The following DDHD2 variants were observed in gnomAD, a reference collection of about 807,000 sequenced individuals.
DDHD2 encodes DDHD domain containing 2, also known as triacylglycerol hydrolase DDHD2.
A neutral mutation model predicts 91.2 loss-of-function variants in DDHD2; 62 were observed. That is an observed-to-expected ratio of 0.68 (90% CI 0.55 to 0.84). The LOEUF (loss-of-function observed/expected upper bound fraction) is 0.84. DDHD2 is among the 40% of genes least tolerant of loss of function. DDHD2 has a pLI of 0.00. For missense variants in DDHD2, 740 were observed against 846.9 expected, an observed-to-expected ratio of 0.87 and a Z score of 1.57; for synonymous variants, 271 against 293.9, an observed-to-expected ratio of 0.92 and a Z score of 0.80.
intron 1 of DDHD2, chr8:38,268,028 G>T (rs1807947485): frequency 6.2e-7 from 1 of 1,610,152 alleles, no homozygotes; most frequent in Non-Finnish European, 8.5e-7. Flanking sequence ...GCCTCGTTAT[G>T]AGAGCAGCCG....
At position 38,245,674 on chromosome 8, in the gene DDHD2, G is replaced by T. The variant is rs1805580249; in HGVS notation, c.849-68G>T. 5.8e-6 allele frequency: 8 copies of T among 1,374,158 alleles called. No individual in the cohort carries two copies. The East Asian group carries it at 1.6e-4, about 28-fold the overall frequency. 85.1% of individuals were successfully genotyped at this position (1,374,158 alleles called of 1,614,324 possible). ...TGTTATAAAATGTTTAAGCTTGAAG[G>T]CTTAAAATTGGAAGCAGCTATTAAG... On this transcript the variant is annotated intron_variant, in intron 7 of 17. Transcript: ENST00000397166.
In DDHD2 at chr8:38,253,612, G is replaced by T. The variant is rs1291073361; in HGVS notation, c.1948G>T (p.Val650Leu). ...AVKEEVLPIN[V>L]GMLNGGQRID... ...TAAAGAAGAAGTCCTGCCTATCAAT[G>T]TGGGGATGCTGAATGGAGGCCAACG... Residue 650 changes from valine to leucine, a missense_variant, in exon 16 of 18, where the codon GTG becomes TTG. This residue lies in a region of DDHD2 where 47 missense variants were observed against 82.6 expected (regional missense o/e 0.57). Transcript: ENST00000397166. 6.2e-7 allele frequency: 1 copy of T among 1,614,168 alleles called. No individual in the cohort carries two copies. Among genetic ancestry groups the T allele is most frequent in the East Asian group, 2.2e-5 (1 of 44,888 alleles).
Position 38,234,406 on chromosome 8 carries a change from A to G in DDHD2, c.233A>G (p.Asn78Ser), listed in dbSNP as rs1804537709. Residue 78 changes from asparagine to serine, a missense_variant, in exon 3 of 18, where the codon AAT becomes AGT. This residue lies in a region of DDHD2 where 693 missense variants were observed against 764.2 expected (regional missense o/e 0.91). Coordinates refer to ENST00000397166, the MANE Select transcript of DDHD2 (RefSeq NM_015214.3). Reference sequence around the variant, plus strand: ...CAATCCTTGAAAGGAAAAGGTTGTAATGGGAGAGTTGTTCCTACTGATGGG... The same window carrying G: ...CAATCCTTGAAAGGAAAAGGTTGTAGTGGGAGAGTTGTTCCTACTGATGGG... ...EEAYSSGKGC[N>S]GRVVPTDGGR... The G allele has an allele frequency of 6.3e-7, 1 of 1,582,760 alleles. No individual in the cohort carries two copies. The highest frequency in any genetic ancestry group is 1.2e-5 in the South Asian group (1 of 84,924).
chr8:38,259,936 A>G (rs895113295), intron 16 of DDHD2, 104 bp from the exon 17 acceptor site: 60 of 755,006 alleles, frequency 7.9e-5, no homozygotes, highest in Middle Eastern at 2.4e-4. Context: ...AGAAGTAAAA[A>G]ATAAACTTGC....
chr8:38,240,383 T>A lies in DDHD2; in HGVS notation c.712+19T>A. 1.3e-6 allele frequency: 2 copies of A among 1,543,640 alleles called. No individual in the cohort carries two copies. The highest frequency in any genetic ancestry group is 2.3e-5 in the South Asian group (2 of 86,834). ...CAGTGTGGTAGGTTTGCAAAGCATG[T>A]GAGAGAATATTAATCAGTGCTCTTG... On this transcript the variant is annotated intron_variant, in intron 6 of 17. Transcript: ENST00000397166.
intron 7 of DDHD2, among the ~76,000 whole-genome samples, chr8:38,243,887 C>T (rs1342794078): frequency 6.6e-6 from 1 of 151,666 alleles, no homozygotes; most frequent in Non-Finnish European, 1.5e-5. Flanking sequence ...TCACCGCAAC[C>T]TCCGACTCCC....
chr8:38,264,196 GGAGT>G, downstream of DDHD2: 1 of 980,032 alleles, frequency 1.0e-6, no homozygotes, highest in East Asian at 5.9e-5. Flanking sequence ...TGCCTAGGCT[GGAGT>G]GCAGTGGTGC....
intron 1 of DDHD2, chr8:38,268,764 C>A: frequency 7.0e-7 from 1 of 1,437,648 alleles, no homozygotes; most frequent in Non-Finnish European, 9.1e-7. Context: ...GAACCCAGCG[C>A]ACAGCAGCGG....
chr8:38,232,946 C>A, intron 1 of DDHD2, 41 bp from the exon 2 acceptor site: 1 of 1,484,532 alleles, frequency 6.7e-7, no homozygotes, highest in Non-Finnish European at 9.3e-7. Context: ...AACAGTTACA[C>A]AGTTAAGTTC....
chr8:38,240,385 A>T (rs938806750), intron 6 of DDHD2, 21 bp downstream of exon 6: 2 of 1,536,962 alleles, frequency 1.3e-6, no homozygotes, highest in African/African-American at 2.7e-5. Flanking sequence ...AAAGCATGTG[A>T]GAGAATATTA....
At chr8:38,265,527 G>A (rs1036615870), downstream of DDHD2, 3 of 152,084 alleles carry the variant, frequency 2.0e-5, no homozygotes, top group Admixed American at 2.0e-4. Context: ...CTGACCTCAG[G>A]TGATCCACCT....
At position 38,247,851 on chromosome 8, in the gene DDHD2, T is replaced by G. The variant is rs766206670; in HGVS notation, c.1248+16T>G. On this transcript the variant is annotated intron_variant, in intron 10 of 17. Coordinates refer to ENST00000397166, the MANE Select transcript of DDHD2 (RefSeq NM_015214.3). Reference sequence around the variant, plus strand: ...GGAAGCTCTGGTAAAAATAATCTTTTAAAACTTTATGCCAAGCCATTTTCA... The same window carrying G: ...GGAAGCTCTGGTAAAAATAATCTTTGAAAACTTTATGCCAAGCCATTTTCA... 7 of 1,546,700 alleles carry G rather than the reference T, an allele frequency of 4.5e-6. No homozygotes were observed. The highest frequency in any genetic ancestry group is 6.1e-6 in the Non-Finnish European group (7 of 1,152,058).
chr8:38,242,426 A>G lies in DDHD2; in HGVS notation c.848+41A>G, dbSNP rs368559579. ...TACCTTCGAGTTGTTAGCTGTGATT[A>G]TATTTTCTGATCATTGCTATGCTTG... On this transcript the variant is annotated intron_variant, in intron 7 of 17. Coordinates refer to ENST00000397166, the MANE Select transcript of DDHD2 (RefSeq NM_015214.3). The G allele has an allele frequency of 1.2e-5, 19 of 1,590,306 alleles. No individual in the cohort carries two copies. In the African/African-American group the frequency reaches 1.2e-4, roughly 10 times the overall value.
At chr8:38,268,998 G>A in intron 1 of DDHD2, 3 of 1,575,204 alleles carry the variant, frequency 1.9e-6, no homozygotes, top group Non-Finnish European at 2.6e-6. Flanking sequence ...ACCCTAGAGG[G>A]GAACAAAGAA....
At chr8:38,255,295 A>G (rs775460987) in intron 16 of DDHD2, 2 of 483,430 alleles carry the variant, frequency 4.1e-6, no homozygotes, top group Middle Eastern at 3.3e-4. Flanking sequence ...TATCGTTTGT[A>G]TATAATATAT....
At chr8:38,249,265 A>G (rs968264877) in intron 10 of DDHD2, among the ~76,000 whole-genome samples, 5 of 151,830 alleles carry the variant, frequency 3.3e-5, no homozygotes, top group Non-Finnish European at 7.4e-5. Context: ...GGTGACTGCC[A>G]CTGCGCCTGG....
chr8:38,247,973 C>A, intron 10 of DDHD2, 138 bp downstream of exon 10: 2 of 681,922 alleles, frequency 2.9e-6, no homozygotes, highest in Non-Finnish European at 4.5e-6. Flanking sequence ...TATTTATTTG[C>A]TTTTTATCAT....
At chr8:38,267,688 G>T, downstream of DDHD2, 1 of 636,778 alleles carries the variant, frequency 1.6e-6, no homozygotes. Context: ...CCGTTGGTGG[G>T]AAATGCTGTT....
chr8:38,255,853 C>T (rs567423418), intron 16 of DDHD2, among the ~76,000 whole-genome samples: 1 of 151,922 alleles, frequency 6.6e-6, no homozygotes, highest in Non-Finnish European at 1.5e-5. Flanking sequence ...TAAAATACTT[C>T]GAATTGAAAT....
Sources: allele counts gnomAD v4.1 joint callset (sites outside exome capture counted in the v4.1 genomes callset), GRCh38; gene constraint gnomAD v4.1.1; regional missense constraint gnomAD v4.1.1; transcripts MANE v1.5; gene names NCBI Gene and HGNC (gene_info 2026-07-23, HGNC 2026-07-21).